DSPP: variants seen among roughly 807,000 people sequenced by gnomAD.
DSPP encodes the protein dentin sialophosphoprotein.
A neutral mutation model predicts 29.1 loss-of-function variants in DSPP; 28 were observed. The ratio of observed to expected loss-of-function variants is 0.96; its 90% CI spans 0.71 to 1.32. The LOEUF (loss-of-function observed/expected upper bound fraction) is 1.32, where lower values mean the gene tolerates loss of function less well. DSPP is among the 40% of genes most tolerant of loss of function. The pLI, the probability that DSPP is intolerant of heterozygous loss-of-function variation, is 0.00. For synonymous variants in DSPP, 481 were observed against 503.4 expected (o/e 0.96, Z 0.60); for missense variants, 1,281 against 1,629.9 (o/e 0.79, Z 3.69).
In DSPP at chr4:87,616,693, TG is replaced by T. The variant is rs1727964890; in HGVS notation, c.*130del. On this transcript the variant is annotated 3_prime_UTR_variant, in exon 5 of 5. Transcript: ENST00000651931. ...TAAGACGTATGTAAACAAAAACAAC[TG>T]GGGGAATCAAATCAAACAGTTGGAT... 7 of 1,473,746 alleles carry T rather than the reference TG, an allele frequency of 4.7e-6. No individual in the cohort carries two copies. Among genetic ancestry groups the T allele is most frequent in the African/African-American group, 1.4e-5 (1 of 70,836 alleles). The allele number at this position is 1,473,746 out of a possible 1,614,324, so 91.3% of individuals were successfully genotyped here.
intron 3 of DSPP, 41 bp downstream of exon 3, chr4:87,612,229 A>T: frequency 6.2e-7 from 1 of 1,612,500 alleles, no homozygotes. Context: ...CCTATTTCTG[A>T]GTTGCTACAT....
In DSPP at chr4:87,612,116, C is replaced by A. The variant is rs776003561; in HGVS notation, c.63C>A (p.Ser21Arg). Reference sequence around the variant, plus strand: ...TTTCTACTTGGCAGGTTCCTCAAAGCAAACCACTGGAGAGACATGTCGAAA... The same window carrying A: ...TTTCTACTTGGCAGGTTCCTCAAAGAAAACCACTGGAGAGACATGTCGAAA... ...AVAWAIPVPQ[S>R]KPLERHVEKS... is the part of the protein sequence containing the mutation. The change falls in exon 3 of 5, where the codon AGC becomes AGA. Residue 21 changes from serine (S) to arginine (R), a missense_variant. Physicochemically the swap from Ser to Arg is moderately radical, Grantham distance 110. Coordinates refer to ENST00000651931, the MANE Select transcript of DSPP (RefSeq NM_014208.3). 3 of 1,613,752 alleles carry A rather than the reference C, an allele frequency of 1.9e-6. No homozygotes were observed. In the Admixed American group the frequency reaches 5.0e-5, roughly 27 times the overall value.
chr4:87,609,041 A>G (rs1423616510), intron 1 of DSPP, among the ~76,000 whole-genome samples: 1 of 152,242 alleles, frequency 6.6e-6, no homozygotes, highest in African/African-American at 2.4e-5. Flanking sequence ...GAAATTTAGC[A>G]ATCACTAATG....
chr4:87,614,370 G>C lies in DSPP; in HGVS notation c.1708G>C (p.Asp570His). The C allele has an allele frequency of 6.3e-7, 1 of 1,589,384 alleles. No homozygotes were observed. Among genetic ancestry groups the C allele is most frequent in the Admixed American group, 1.8e-5 (1 of 56,672 alleles). ...SSDSSDSSDS[D>H]SSDSNSSSDS... ...TGATAGTAGTGACAGCAGTGACAGT[G>C]ACAGCAGTGATAGCAACAGTAGCAG... Residue 570 changes from aspartate (D) to histidine (H), a missense_variant, in exon 5 of 5, where the codon GAC (aspartate) becomes CAC (histidine). Around this residue, in one of 4 missense-constraint regions of DSPP, gnomAD observed 444 missense variants for 611.4 expected, o/e 0.73. Transcript: ENST00000651931.
rs946703693 is a variant in DSPP, at chr4:87,610,760, T to C, written c.-28-121T>C. 30 of 693,024 alleles carry C rather than the reference T, an allele frequency of 4.3e-5. No homozygotes were observed. The Admixed American group carries it at 6.5e-4, about 15-fold the overall frequency. 42.9% of individuals were successfully genotyped at this position (693,024 alleles called of 1,614,324 possible). On this transcript the variant is annotated intron_variant, in intron 1 of 4. Coordinates refer to ENST00000651931, the MANE Select transcript of DSPP (RefSeq NM_014208.3). ...ATGTTCTGGACCATCGTATGTCTTC[T>C]CGTGTTAGATACATGCTTCTTGTCC...
Position 87,615,630 on chromosome 4 carries a change from G to T in DSPP, c.2968G>T (p.Asp990Tyr). 6.5e-7 allele frequency: 1 copy of T among 1,536,050 alleles called. No homozygotes were observed. The highest frequency in any genetic ancestry group is 8.8e-7 in the Non-Finnish European group (1 of 1,142,226). ...CAGCAGCGATAGCAGTGACAGCAGTGATAGCAGTGACAGCAGTGACAGCAG... is the reference window on the plus strand; with the variant it reads ...CAGCAGCGATAGCAGTGACAGCAGTTATAGCAGTGACAGCAGTGACAGCAG... ...SNSSDSSDSS[D>Y]SSDSSDSSDS... Residue 990 changes from aspartate to tyrosine, a missense_variant, in exon 5 of 5, where the codon GAT becomes TAT. By Grantham distance (160) the Asp-to-Tyr change is radical. This residue lies in a region of DSPP where 444 missense variants were observed against 611.4 expected (regional missense o/e 0.73). Transcript: ENST00000651931.
chr4:87,614,384 C>A lies in DSPP; in HGVS notation c.1722C>A (p.Ser574Arg), dbSNP rs1286728398. 1.3e-6 allele frequency: 2 copies of A among 1,578,138 alleles called. No homozygotes were observed. Among genetic ancestry groups the A allele is most frequent in the Non-Finnish European group, 8.6e-7 (1 of 1,162,386 alleles). Residue 574 changes from serine to arginine, a missense_variant, in exon 5 of 5, where the codon AGC becomes AGA. Ser to Arg is a moderately radical substitution (Grantham distance 110). Transcript: ENST00000651931. ...GCAGTGACAGTGACAGCAGTGATAG[C>A]AACAGTAGCAGTGATAGTGACAGCA... ...SDSSDSDSSD[S>R]NSSSDSDSSD...
rs1727726990 is a variant in DSPP at position 87,611,080 on chromosome 4, T to A, written c.51+121T>A. The A allele has an allele frequency of 3.1e-6, 3 of 964,612 alleles. No individual in the cohort carries two copies. In the South Asian group the frequency reaches 4.0e-5, roughly 13 times the overall value. 59.8% of individuals were successfully genotyped at this position (964,612 alleles called of 1,614,324 possible). A position where few individuals can be genotyped will look rare whatever the true frequency, so the allele number is the denominator to read the frequency against. On this transcript the variant is annotated intron_variant, in intron 2 of 4. Coordinates refer to ENST00000651931, the MANE Select transcript of DSPP (RefSeq NM_014208.3). ...GTGTGTGTGCATGTACATGTGTGTATATATGTGTGTGTGTATATATGTTTC... is the reference window on the plus strand; with the variant it reads ...GTGTGTGTGCATGTACATGTGTGTAAATATGTGTGTGTGTATATATGTTTC...
In DSPP at chr4:87,612,627, A is replaced by T. The variant is rs903637700; in HGVS notation, c.441A>T (p.Gly147=). The part of the protein sequence containing the change: ...QGQVSIIDNA[G]ATNRSNTNGN... ...AAGTAAGCATCATTGACAATGCTGGAGCCACAAACAGAAGCAACACTAATG... is the reference window on the plus strand; with the variant it reads ...AAGTAAGCATCATTGACAATGCTGGTGCCACAAACAGAAGCAACACTAATG... The change falls in exon 4 of 5, where the codon GGA becomes GGT. Residue 147 remains glycine, a synonymous_variant. Coordinates refer to ENST00000651931, the MANE Select transcript of DSPP (RefSeq NM_014208.3). 2.5e-6 allele frequency: 4 copies of T among 1,614,010 alleles called. No individual in the cohort carries two copies. Among genetic ancestry groups the T allele is most frequent in the Admixed American group, 1.7e-5 (1 of 59,988 alleles).
chr4:87,609,311 C>T (rs2615487), intron 1 of DSPP, among the ~76,000 whole-genome samples: 39,945 of 152,124 alleles, frequency 0.26, 6,054 homozygotes, highest in East Asian at 0.57. Flanking sequence ...ACTGGACACG[C>T]ATCACTCTGG....
chr4:87,610,521 T>C (rs944723774), intron 1 of DSPP, among the ~76,000 whole-genome samples: 1 of 152,322 alleles, frequency 6.6e-6, no homozygotes, highest in African/African-American at 2.4e-5. Flanking sequence ...TGTTTTACCT[T>C]TGAAGCACAA....
rs868250020 is a variant in DSPP, at chr4:87,613,972, G to A, written c.1310G>A (p.Gly437Glu). 2 of 1,614,142 alleles carry A rather than the reference G, an allele frequency of 1.2e-6. No individual in the cohort carries two copies. Among genetic ancestry groups the A allele is most frequent in the Non-Finnish European group, 1.7e-6 (2 of 1,180,030 alleles). The change falls in exon 5 of 5, where the codon GGA becomes GAA. Residue 437 changes from glycine to glutamate, a missense_variant. Around this residue, in one of 4 missense-constraint regions of DSPP, gnomAD observed 631 missense variants for 643.2 expected, o/e 0.98. Coordinates refer to ENST00000651931, the MANE Select transcript of DSPP (RefSeq NM_014208.3). ...AAATCAGAACCAGGAAATAAAGTTG[G>A]ACACAGCAATACAGGTAGTGACAGC... ...GQKSEPGNKV[G>E]HSNTGSDSNS...
intron 4 of DSPP, among the ~76,000 whole-genome samples, chr4:87,613,511 T>C (rs765238959): frequency 6.6e-6 from 1 of 152,248 alleles, no homozygotes; most frequent in Non-Finnish European, 1.5e-5. Flanking sequence ...AACTTAGTTA[T>C]AATTCTAGAA....
chr4:87,611,968 G>T, intron 2 of DSPP, 137 bp from the exon 3 acceptor site: 1 of 889,322 alleles, frequency 1.1e-6, no homozygotes, highest in Non-Finnish European at 1.8e-6. Context: ...ATCATACTTT[G>T]GCCTTTGTGT....
chr4:87,610,645 T>C lies in DSPP; in HGVS notation c.-28-236T>C, dbSNP rs76131681. 0.013 allele frequency among the ~76,000 whole-genome samples: 1,910 copies of C among 152,310 alleles called. 43 individuals are homozygous for C. Among genetic ancestry groups the C allele is most frequent in the African/African-American group, 0.044 (1,815 of 41,562 alleles). ...ACAGCTATGCCCTTTGTACCTATTA[T>C]GGCGTTTTCCTTCATTGGCACAGGC... is the stretch of plus-strand genomic sequence containing the variant. On this transcript the variant is annotated intron_variant, in intron 1 of 4. Coordinates refer to ENST00000651931, the MANE Select transcript of DSPP (RefSeq NM_014208.3).
rs1350171880 is a variant in DSPP, at chr4:87,615,041, C to T, written c.2379C>T (p.Asp793=). The T allele has an allele frequency of 6.5e-7, 1 of 1,550,256 alleles. No homozygotes were observed. Among genetic ancestry groups the T allele is most frequent in the East Asian group, 2.4e-5 (1 of 40,864 alleles). ...GCAACGACAGCAGCAATAGCAGTGA[C>T]AGCAGTGATAGCAGCAACAGCAGTG... ...SDSNDSSNSS[D]SSDSSNSSDS... is the part of the protein sequence containing the mutation. The change falls in exon 5 of 5, where the codon GAC becomes GAT. Residue 793 remains aspartate, a synonymous_variant. Coordinates refer to ENST00000651931, the MANE Select transcript of DSPP (RefSeq NM_014208.3).
At position 87,614,648 on chromosome 4, in the gene DSPP, C is replaced by A; in HGVS notation, c.1986C>A (p.Ser662Arg). The A allele has an allele frequency of 6.6e-7, 1 of 1,504,528 alleles. No individual in the cohort carries two copies. The highest frequency in any genetic ancestry group is 2.7e-5 in the East Asian group (1 of 36,978). The allele number at this position is 1,504,528 out of a possible 1,614,324, so 93.2% of individuals were successfully genotyped here. ...GTGATAGCAGCGACAGCAGCAATAG[C>A]AGTAACAGCAGTGATAGTAGTGACA... ...DNSDSSDSSN[S>R]SNSSDSSDSS... is the part of the protein sequence containing the mutation. The change falls in exon 5 of 5, where the codon AGC becomes AGA. Residue 662 changes from serine (S) to arginine (R), a missense_variant. Ser to Arg is a moderately radical substitution (Grantham distance 110). Around this residue, in one of 4 missense-constraint regions of DSPP, gnomAD observed 444 missense variants for 611.4 expected, o/e 0.73. Transcript: ENST00000651931.
chr4:87,609,029 A>G (rs1426781021), intron 1 of DSPP, among the ~76,000 whole-genome samples: 1 of 152,232 alleles, frequency 6.6e-6, no homozygotes. Flanking sequence ...CCCACATGAA[A>G]TGAAATTTAG....
Position 87,613,917 on chromosome 4 carries a change from G to A in DSPP, c.1255G>A (p.Glu419Lys). Residue 419 changes from glutamate to lysine, a missense_variant, in exon 5 of 5, where the codon GAG (glutamate) becomes AAG (lysine). Coordinates refer to ENST00000651931, the MANE Select transcript of DSPP (RefSeq NM_014208.3). ...LGKGNVKTQG[E>K]VVNIEGPGQK... Reference sequence around the variant, plus strand: ...CAAAGGCAATGTCAAGACACAAGGAGAGGTTGTCAACATAGAAGGACCTGG... The same window carrying A: ...CAAAGGCAATGTCAAGACACAAGGAAAGGTTGTCAACATAGAAGGACCTGG... The A allele has an allele frequency of 6.2e-7, 1 of 1,614,218 alleles. No homozygotes were observed. Among genetic ancestry groups the A allele is most frequent in the Non-Finnish European group, 8.5e-7 (1 of 1,180,042 alleles).
Sources: gnomAD v4.1 joint callset for allele counts (sites outside exome capture counted in the v4.1 genomes callset) on GRCh38, gnomAD v4.1.1 for gene constraint, gnomAD v4.1.1 regional missense constraint, MANE v1.5 for transcripts, NCBI Gene and HGNC (gene_info 2026-07-23, HGNC 2026-07-21) for gene names.